CNTNAP2: variants seen among roughly 807,000 people sequenced by gnomAD.
CNTNAP2 encodes the protein contactin associated protein 2, also known as contactin-associated protein-like 2.
CNTNAP2 carries 98 observed loss-of-function variants against 155.2 expected under a neutral mutation model. The observed-to-expected ratio is 0.63, with a 90% CI of 0.54 to 0.75. The LOEUF (loss-of-function observed/expected upper bound fraction) is 0.75, where lower values mean the gene tolerates loss of function less well. Ranked by LOEUF, CNTNAP2 falls within the 30% of genes least tolerant of loss-of-function variation. The probability of loss-of-function intolerance (pLI) is 0.00; values close to 1 mark genes in which losing one functional copy is unlikely to be tolerated. For synonymous variants in CNTNAP2, 651 were observed against 631.2 expected, an observed-to-expected ratio of 1.03 and a Z score of -0.47; for missense variants, 1,727 against 1,688.1, an observed-to-expected ratio of 1.02 and a Z score of -0.40.
intron 4 of CNTNAP2, among the ~76,000 whole-genome samples, chr7:147,076,374 G>A (rs1423716608): frequency 3.9e-5 from 6 of 152,104 alleles, no homozygotes; most frequent in African/African-American, 1.4e-4. Context: ...GCATTTCCCC[G>A]ATGGCCAGTG....
intron 1 of CNTNAP2, among the ~76,000 whole-genome samples, chr7:146,469,611 T>G (rs1372129628): frequency 6.7e-6 from 1 of 149,630 alleles, no homozygotes; most frequent in Non-Finnish European, 1.5e-5. Flanking sequence ...CAACCTCTGC[T>G]TTTTTGGTTC....
intron 21 of CNTNAP2, among the ~76,000 whole-genome samples, chr7:148,325,079 A>G (rs1223513065): frequency 1.3e-5 from 2 of 152,216 alleles, no homozygotes; most frequent in African/African-American, 2.4e-5. Context: ...TACATAGCAA[A>G]TTCTATATGC....
At chr7:148,235,685 A>AT (rs398006723) in intron 20 of CNTNAP2, among the ~76,000 whole-genome samples, 31,695 of 121,444 alleles carry the variant, frequency 0.26, 5,065 homozygotes, top group African/African-American at 0.32. Context: ...TGCAGCAATT[A>AT]TTTTTTTTTT....
chr7:146,739,836 A>G (rs1801681861), intron 1 of CNTNAP2, among the ~76,000 whole-genome samples: 1 of 152,058 alleles, frequency 6.6e-6, no homozygotes, highest in Non-Finnish European at 1.5e-5. Context: ...ATGGGTACAT[A>G]CGTATTTACA....
chr7:147,953,460 A>C (rs1375296871), intron 14 of CNTNAP2, among the ~76,000 whole-genome samples: 1 of 152,152 alleles, frequency 6.6e-6, no homozygotes, highest in Admixed American at 6.6e-5. Flanking sequence ...GGTGCAGCAG[A>C]CCACCATGGC....
intron 13 of CNTNAP2, among the ~76,000 whole-genome samples, chr7:147,749,078 A>C (rs148078760): frequency 2.6e-5 from 4 of 152,370 alleles, no homozygotes; most frequent in African/African-American, 9.6e-5. Flanking sequence ...AACAAATGCA[A>C]TTGGTTATAC....
chr7:147,769,835 C>A (rs1319542377), intron 13 of CNTNAP2, among the ~76,000 whole-genome samples: 2 of 152,098 alleles, frequency 1.3e-5, no homozygotes, highest in African/African-American at 4.8e-5. Context: ...ACACGGCATG[C>A]TGTGGCATAG....
intron 15 of CNTNAP2, among the ~76,000 whole-genome samples, chr7:148,094,957 G>A (rs1386417935): frequency 6.6e-6 from 1 of 152,146 alleles, no homozygotes; most frequent in Non-Finnish European, 1.5e-5. Context: ...GAGCTCAGAG[G>A]AATGTAAATA....
chr7:147,735,539 C>T (rs1230947408), intron 13 of CNTNAP2, among the ~76,000 whole-genome samples: 1 of 152,012 alleles, frequency 6.6e-6, no homozygotes. Flanking sequence ...CTATTAGGTC[C>T]ACTTGGTGCA....
intron 20 of CNTNAP2, among the ~76,000 whole-genome samples, 163 bp downstream of exon 20, chr7:148,229,942 T>A (rs760913236): frequency 2.3e-4 from 35 of 152,312 alleles, no homozygotes; most frequent in Admixed American, 5.9e-4. Flanking sequence ...ATATATATAA[T>A]TCTGACAAGG....
intron 13 of CNTNAP2, among the ~76,000 whole-genome samples, chr7:147,756,891 GT>G (rs1214591586): frequency 6.6e-6 from 1 of 152,186 alleles, no homozygotes; most frequent in African/African-American, 2.4e-5. Context: ...CTTTATCAGA[GT>G]TAGCTACAGA....
chr7:147,491,603 G>C (rs1190049171), intron 11 of CNTNAP2, among the ~76,000 whole-genome samples: 1 of 152,168 alleles, frequency 6.6e-6, no homozygotes, highest in African/African-American at 2.4e-5. Context: ...GTTTAAATCT[G>C]AGGCTCGCCC....
chr7:147,495,865 G>A (rs1211990936), intron 11 of CNTNAP2, among the ~76,000 whole-genome samples: 3 of 152,174 alleles, frequency 2.0e-5, no homozygotes, highest in African/African-American at 4.8e-5. Flanking sequence ...CAGTGGTGGA[G>A]TGAAGCTTCA....
chr7:147,378,934 T>G (rs563599276), intron 9 of CNTNAP2, among the ~76,000 whole-genome samples: 2 of 152,180 alleles, frequency 1.3e-5, no homozygotes, highest in Non-Finnish European at 2.9e-5. Flanking sequence ...TCCCTACATG[T>G]CGTGGGAGGG....
At chr7:148,259,470 A>G (rs1258046115) in intron 20 of CNTNAP2, among the ~76,000 whole-genome samples, 1 of 152,222 alleles carries the variant, frequency 6.6e-6, no homozygotes, top group Non-Finnish European at 1.5e-5. Flanking sequence ...TCTAAATTCA[A>G]TATCGCTGAG....
At chr7:147,687,738 G>A (rs1796034442) in intron 13 of CNTNAP2, among the ~76,000 whole-genome samples, 2 of 152,094 alleles carry the variant, frequency 1.3e-5, no homozygotes, top group Admixed American at 1.3e-4. Context: ...TTATGGGGGA[G>A]GAGCAAATTA....
intron 8 of CNTNAP2, among the ~76,000 whole-genome samples, chr7:147,286,490 G>GA (rs1805181450): frequency 6.6e-6 from 1 of 151,734 alleles, no homozygotes; most frequent in Non-Finnish European, 1.5e-5. Flanking sequence ...TGTTTAAATA[G>GA]AAAAAACGGA....
chr7:148,019,324 T>A (rs971657795), intron 15 of CNTNAP2, among the ~76,000 whole-genome samples: 1 of 152,198 alleles, frequency 6.6e-6, no homozygotes, highest in Non-Finnish European at 1.5e-5. Flanking sequence ...CCACCCAGTG[T>A]CCTTCCAACA....
intron 20 of CNTNAP2, among the ~76,000 whole-genome samples, chr7:148,258,302 G>T (rs17433476): frequency 0.21 from 31,615 of 152,100 alleles, 4,422 homozygotes; most frequent in East Asian, 0.57. Context: ...GAACAGAGCT[G>T]CAACCCTGGA....
Sources: gnomAD v4.1 joint callset for allele counts (sites outside exome capture counted in the v4.1 genomes callset) on GRCh38, gnomAD v4.1.1 for gene constraint, MANE v1.5 for transcripts, NCBI Gene and HGNC (gene_info 2026-07-23, HGNC 2026-07-21) for gene names.